The following TDRD9 variants were observed in gnomAD, a reference collection of about 807,000 sequenced individuals.
TDRD9 encodes tudor domain containing 9.
Under a neutral mutation model 172.6 loss-of-function variants are expected in TDRD9, and 124 were observed. The observed-to-expected ratio is 0.72, with a 90% CI of 0.62 to 0.83. The LOEUF is 0.83. TDRD9 is among the 40% of genes least tolerant of loss of function. The probability of loss-of-function intolerance (pLI) is 0.00; values close to 1 mark genes in which losing one functional copy is unlikely to be tolerated. For synonymous variants in TDRD9, 619 were observed against 617.1 expected (o/e 1.00, Z -0.05); for missense variants, 1,479 against 1,714.1 (o/e 0.86, Z 2.42).
chr14:104,050,746 G>A (rs1186339080), intron 35 of TDRD9, among the ~76,000 whole-genome samples: 5 of 152,190 alleles, frequency 3.3e-5, no homozygotes, highest in Non-Finnish European at 5.9e-5. Context: ...GGAGAGGGGC[G>A]GCCACACCAG....
In TDRD9 at chr14:103,965,466, C is replaced by A; in HGVS notation, c.554C>A (p.Thr185Asn). ...TCCGCCTACTGCAGCATTGTGGTCA[C>A]CCAGCCCCGGAAGATAGGGGCAAGC... ...QRSAYCSIVVTQPRKIGASSI... is the reference protein window; with the variant it reads ...QRSAYCSIVVNQPRKIGASSI... Residue 185 changes from threonine (T) to asparagine (N), a missense_variant, in exon 4 of 36, where the codon ACC becomes AAC. Physicochemically the swap from Thr to Asn is moderately conservative, Grantham distance 65. This residue lies in a region of TDRD9 where 1,413 missense variants were observed against 1,649.1 expected (regional missense o/e 0.86). Transcript: ENST00000409874. 1 of 1,551,524 alleles carries A rather than the reference C, an allele frequency of 6.4e-7. No homozygotes were observed. The highest frequency in any genetic ancestry group is 8.7e-7 in the Non-Finnish European group (1 of 1,146,950).
At chr14:104,035,417 C>T (rs757382167) in intron 32 of TDRD9, among the ~76,000 whole-genome samples, 2 of 152,290 alleles carry the variant, frequency 1.3e-5, no homozygotes, top group Non-Finnish European at 2.9e-5. Flanking sequence ...GACCAGTTGT[C>T]GACAAGAACC....
chr14:103,946,823 CAG>C (rs2031584513), intron 1 of TDRD9, among the ~76,000 whole-genome samples: 1 of 152,144 alleles, frequency 6.6e-6, no homozygotes, highest in South Asian at 2.1e-4. Flanking sequence ...ATAAAATACT[CAG>C]GGATTAACCA....
At chr14:103,937,679 A>C (rs1228277490) in intron 1 of TDRD9, among the ~76,000 whole-genome samples, 1 of 152,132 alleles carries the variant, frequency 6.6e-6, no homozygotes, top group African/African-American at 2.4e-5. Context: ...AGTTGAGTAC[A>C]TGGGTGGTGC....
At chr14:104,038,451 A>G (rs1349574596) in intron 32 of TDRD9, among the ~76,000 whole-genome samples, 1 of 152,188 alleles carries the variant, frequency 6.6e-6, no homozygotes, top group African/African-American at 2.4e-5. Context: ...GTCAGGGTAC[A>G]CAGGGATGGC....
At chr14:104,022,908 G>A (rs1333490198) in intron 24 of TDRD9, among the ~76,000 whole-genome samples, 1 of 151,792 alleles carries the variant, frequency 6.6e-6, no homozygotes, top group African/African-American at 2.4e-5. Flanking sequence ...AGCCGGGTGA[G>A]GTGGCTCATG....
intron 8 of TDRD9, 24 bp downstream of exon 8, chr14:103,986,344 T>G: frequency 6.7e-7 from 1 of 1,484,096 alleles, no homozygotes; most frequent in East Asian, 2.3e-5. Flanking sequence ...CAGTTGGTAA[T>G]GCACTTTAAT....
intron 34 of TDRD9, among the ~76,000 whole-genome samples, chr14:104,049,120 A>ATGTATG (rs1555377358): frequency 0.074 from 7,518 of 101,776 alleles, 226 homozygotes; most frequent in Non-Finnish European, 0.098. Flanking sequence ...GTATGTATGT[A>ATGTATG]TGTGTGTGTG....
intron 1 of TDRD9, among the ~76,000 whole-genome samples, chr14:103,952,216 ATATATTTTTTTTTT>A (rs2031948901): frequency 4.0e-5 from 2 of 49,906 alleles, no homozygotes; most frequent in African/African-American, 1.0e-4. Flanking sequence ...ATATATATAT[ATATATTTTTTTTTT>A]TTTTTTTTTT....
intron 8 of TDRD9, among the ~76,000 whole-genome samples, chr14:103,988,461 C>T (rs564768932): frequency 1.1e-4 from 17 of 152,218 alleles, no homozygotes; most frequent in South Asian, 2.1e-4. Flanking sequence ...TGTGACACCG[C>T]GCCTGGCCTG....
chr14:103,986,706 C>G (rs908145809), intron 8 of TDRD9, among the ~76,000 whole-genome samples: 3 of 152,134 alleles, frequency 2.0e-5, no homozygotes, highest in Admixed American at 6.5e-5. Flanking sequence ...TATTCTTGAC[C>G]CTAAGCAATC....
intron 8 of TDRD9, among the ~76,000 whole-genome samples, chr14:103,988,464 C>T (rs1202842305): frequency 6.6e-6 from 1 of 152,152 alleles, no homozygotes; most frequent in African/African-American, 2.4e-5. Flanking sequence ...GACACCGCGC[C>T]TGGCCTGTAT....
intron 25 of TDRD9, 69 bp downstream of exon 25, chr14:104,024,749 TACACACACACACAC>T (rs60394937): frequency 0.046 from 19,823 of 429,200 alleles, 346 homozygotes; most frequent in African/African-American, 0.12. Flanking sequence ...ACAGGAAGTT[TACACACACACACAC>T]ACACACACAC....
chr14:104,033,412 C>CT (rs1469455595), intron 30 of TDRD9, among the ~76,000 whole-genome samples: 1 of 152,194 alleles, frequency 6.6e-6, no homozygotes, highest in Non-Finnish European at 1.5e-5. Flanking sequence ...ATATGGGAAA[C>CT]TGAGTCCCTG....
intron 2 of TDRD9, among the ~76,000 whole-genome samples, chr14:103,961,296 A>G (rs1459721969): frequency 1.3e-5 from 2 of 152,214 alleles, no homozygotes; most frequent in African/African-American, 2.4e-5. Context: ...TTAAAAAGCC[A>G]TAGGTCAGGC....
chr14:103,982,997 A>T (rs951874973), intron 7 of TDRD9, among the ~76,000 whole-genome samples: 2 of 151,672 alleles, frequency 1.3e-5, no homozygotes, highest in African/African-American at 4.8e-5. Context: ...GAAATGATCA[A>T]CAACCCAGGT....
At chr14:103,937,331 GC>G (rs1364934228) in intron 1 of TDRD9, among the ~76,000 whole-genome samples, 1 of 152,164 alleles carries the variant, frequency 6.6e-6, no homozygotes, top group African/African-American at 2.4e-5. Context: ...CCACCTTGCA[GC>G]TTCCACACTG....
intron 2 of TDRD9, among the ~76,000 whole-genome samples, chr14:103,956,096 AAAAAAAAAAAAAAAAATATATAT>A (rs1282962243): frequency 9.8e-5 from 5 of 50,900 alleles, no homozygotes; most frequent in East Asian, 4.9e-4. Context: ...AAAAAAAAAA[AAAAAAAAAAAAAAAAATATATAT>A]ATATATATAT....
At chr14:103,940,480 C>A in intron 1 of TDRD9, 1 of 201,092 alleles carries the variant, frequency 5.0e-6, no homozygotes, top group Non-Finnish European at 1.0e-5. Context: ...GAATAAAAGT[C>A]AAGGTTAATA....
Sources: allele counts gnomAD v4.1 joint callset (sites outside exome capture counted in the v4.1 genomes callset), GRCh38; gene constraint gnomAD v4.1.1; regional missense constraint gnomAD v4.1.1; transcripts MANE v1.5; gene names NCBI Gene and HGNC (gene_info 2026-07-23, HGNC 2026-07-21).